The following WDR7 variants were observed in gnomAD, a reference collection of about 807,000 sequenced individuals.
WDR7 encodes the protein WD repeat-containing protein 7.
Under a neutral mutation model 169.4 loss-of-function variants are expected in WDR7, and 46 were observed. The ratio of observed to expected loss-of-function variants is 0.27; its 90% confidence interval spans 0.21 to 0.35. The LOEUF is 0.35. Among genes scored for constraint, WDR7 ranks in the 10% least tolerant of loss-of-function variants. The pLI is 1.00. For synonymous variants in WDR7, 612 were observed against 666.8 expected, an observed-to-expected ratio of 0.92 and a Z score of 1.27; for missense variants, 1,534 against 1,859.3, an observed-to-expected ratio of 0.83 and a Z score of 3.22.
chr18:57,028,301 T>G lies in WDR7; in HGVS notation c.*1094T>G, dbSNP rs1278921861. On this transcript the variant is annotated 3_prime_UTR_variant, in exon 28 of 28. Transcript: ENST00000254442. ...GGAGTGTATATAAAAATATGTGGGC[T>G]CTCGATTTATTTGAGCAAACATTGC... 1 of 152,244 alleles carries G rather than the reference T, an allele frequency of 6.6e-6. No individual in the cohort carries two copies. The highest frequency in any genetic ancestry group is 2.4e-5 in the African/African-American group (1 of 41,464). The allele number at this position is 152,244 out of a possible 1,614,324, so 9.4% of individuals were successfully genotyped here.
chr18:56,705,920 C>T (rs1038507158), intron 12 of WDR7, among the ~76,000 whole-genome samples: 9 of 152,164 alleles, frequency 5.9e-5, no homozygotes, highest in African/African-American at 2.2e-4. Context: ...GTCCCTTGAA[C>T]CTGGGAGGTG....
chr18:56,897,374 A>C (rs1000071464), intron 21 of WDR7, among the ~76,000 whole-genome samples: 1 of 145,946 alleles, frequency 6.9e-6, no homozygotes, highest in South Asian at 2.3e-4. Flanking sequence ...GCGCATGTGC[A>C]TTAAGTATTG....
intron 21 of WDR7, among the ~76,000 whole-genome samples, chr18:56,889,746 A>G (rs979043803): frequency 6.6e-6 from 1 of 152,168 alleles, no homozygotes; most frequent in African/African-American, 2.4e-5. Context: ...TGCTACAGAG[A>G]AGAGAGGAGG....
Position 56,748,102 on chromosome 18 carries a change from A to G in WDR7, c.1990-8481A>G, listed in dbSNP as rs572020305. 8.5e-5 allele frequency among the ~76,000 whole-genome samples: 13 copies of G among 152,258 alleles called. No individual in the cohort carries two copies. The East Asian group carries it at 2.5e-3, about 29-fold the overall frequency. On this transcript the variant is annotated intron_variant, in intron 14 of 27. Coordinates refer to ENST00000254442, the MANE Select transcript of WDR7 (RefSeq NM_015285.3). Reference sequence around the variant, plus strand: ...CTTGGTGTAAACTATGTTCACATGTATCTTTGATACATTCATTTGAGATGA... The same window carrying G: ...CTTGGTGTAAACTATGTTCACATGTGTCTTTGATACATTCATTTGAGATGA...
Position 56,758,890 on chromosome 18 carries a change from C to A in WDR7, c.2785C>A (p.Leu929Ile). 1 of 1,612,868 alleles carries A rather than the reference C, an allele frequency of 6.2e-7. No individual in the cohort carries two copies. Among genetic ancestry groups the A allele is most frequent in the African/African-American group, 1.3e-5 (1 of 74,980 alleles). The change falls in exon 16 of 28, where the codon CTT becomes ATT. Residue 929 changes from leucine to isoleucine, a missense_variant. Leu to Ile is a conservative substitution (Grantham distance 5). Transcript: ENST00000254442. ...TRPPRPSTPD[L>I]SKARGSPPTS... Reference sequence around the variant, plus strand: ...GCCACCTAGACCAAGCACCCCAGACCTTTCTAAGGCAAGGGGTTCCCCTCC... The same window carrying A: ...GCCACCTAGACCAAGCACCCCAGACATTTCTAAGGCAAGGGGTTCCCCTCC...
intron 23 of WDR7, 140 bp from the exon 24 acceptor site, chr18:56,938,393 T>C: frequency 9.1e-7 from 1 of 1,104,174 alleles, no homozygotes; most frequent in Non-Finnish European, 1.2e-6. Context: ...GTATTGTTTT[T>C]GTAAACAAAA....
intron 20 of WDR7, among the ~76,000 whole-genome samples, chr18:56,819,778 TAAAAC>T (rs2045054386): frequency 6.6e-6 from 1 of 152,272 alleles, no homozygotes; most frequent in East Asian, 1.9e-4. Context: ...TAATAGAATT[TAAAAC>T]AAAACAATAG....
intron 26 of WDR7, among the ~76,000 whole-genome samples, chr18:56,974,362 C>CCTTTTTT: frequency 1.8e-5 from 2 of 111,816 alleles, no homozygotes; most frequent in East Asian, 2.4e-4. Context: ...GCTTTTCTTG[C>CCTTTTTT]TTTTTTTTTT....
intron 19 of WDR7, among the ~76,000 whole-genome samples, chr18:56,802,685 G>C (rs1262609103): frequency 1.5e-4 from 23 of 152,076 alleles, no homozygotes. Flanking sequence ...AAAGTTTTAA[G>C]TGTTCTTTGA....
chr18:56,847,226 C>T (rs1270316809), intron 20 of WDR7, among the ~76,000 whole-genome samples: 1 of 152,162 alleles, frequency 6.6e-6, no homozygotes, highest in Non-Finnish European at 1.5e-5. Flanking sequence ...AACTTGGTTA[C>T]ATTGTGTCCA....
chr18:56,761,032 A>G (rs986812515), intron 16 of WDR7, among the ~76,000 whole-genome samples: 4 of 152,126 alleles, frequency 2.6e-5, no homozygotes, highest in African/African-American at 9.7e-5. Flanking sequence ...TTCAACTCTT[A>G]CATATTTTTC....
At chr18:56,836,458 TCA>T (rs1202581749) in intron 20 of WDR7, among the ~76,000 whole-genome samples, 1 of 152,206 alleles carries the variant, frequency 6.6e-6, no homozygotes, top group Non-Finnish European at 1.5e-5. Flanking sequence ...CACCAGCCAG[TCA>T]CACAGAGATC....
chr18:56,979,487 T>G (rs780151444), intron 26 of WDR7, among the ~76,000 whole-genome samples: 13 of 152,214 alleles, frequency 8.5e-5, no homozygotes, highest in Middle Eastern at 3.2e-3. Flanking sequence ...CTCTATCTGA[T>G]AAAATCGCTA....
At chr18:56,813,046 G>A (rs1235031222) in intron 19 of WDR7, among the ~76,000 whole-genome samples, 3 of 134,904 alleles carry the variant, frequency 2.2e-5, no homozygotes, top group Non-Finnish European at 4.8e-5. Context: ...CGGGGGAGGG[G>A]GGAGGGATAG....
intron 20 of WDR7, among the ~76,000 whole-genome samples, chr18:56,821,597 A>G (rs1215673237): frequency 1.3e-5 from 2 of 151,458 alleles, no homozygotes; most frequent in Non-Finnish European, 2.9e-5. Flanking sequence ...GATAAGAGGT[A>G]GTTACTTTGC....
intron 20 of WDR7, among the ~76,000 whole-genome samples, chr18:56,841,099 A>G (rs1360782225): frequency 6.6e-6 from 1 of 152,096 alleles, no homozygotes; most frequent in Non-Finnish European, 1.5e-5. Flanking sequence ...AGGCTGAGGC[A>G]TGAGAATCAC....
At chr18:56,688,677 C>T (rs923129888) in intron 7 of WDR7, among the ~76,000 whole-genome samples, 3 of 151,560 alleles carry the variant, frequency 2.0e-5, no homozygotes, top group Admixed American at 6.6e-5. Flanking sequence ...TGCAGTGAGC[C>T]GAGATTGCGG....
chr18:56,861,426 C>T (rs1433540687), intron 20 of WDR7, among the ~76,000 whole-genome samples: 1 of 152,206 alleles, frequency 6.6e-6, no homozygotes, highest in Non-Finnish European at 1.5e-5. Flanking sequence ...TGGTGAAAGA[C>T]AGCGATTGGG....
intron 21 of WDR7, among the ~76,000 whole-genome samples, chr18:56,884,520 A>G (rs184468074): frequency 1.3e-5 from 2 of 151,980 alleles, no homozygotes; most frequent in African/African-American, 4.8e-5. Flanking sequence ...ACTCCCATCT[A>G]TTTATCTTTG....
Sources: gnomAD v4.1 joint callset for allele counts (sites outside exome capture counted in the v4.1 genomes callset) on GRCh38, gnomAD v4.1.1 for gene constraint, MANE v1.5 for transcripts, NCBI Gene and HGNC (gene_info 2026-07-23, HGNC 2026-07-21) for gene names.